The following MAP4K3 variants were observed in gnomAD, a reference collection of about 807,000 sequenced individuals.
The protein encoded by MAP4K3 is mitogen-activated protein kinase kinase kinase kinase 3.
MAP4K3 carries 94 observed loss-of-function variants against 143.5 expected under a neutral mutation model. The observed-to-expected ratio is 0.65, with a 90% CI of 0.55 to 0.78. The LOEUF (loss-of-function observed/expected upper bound fraction) is 0.78. MAP4K3 is among the 30% of genes least tolerant of loss of function. MAP4K3 has a pLI of 0.00. For missense variants in MAP4K3, 1,077 were observed against 1,068.1 expected, an observed-to-expected ratio of 1.01 and a Z score of -0.12; for synonymous variants, 416 against 347.2, an observed-to-expected ratio of 1.20 and a Z score of -2.20.
At position 39,332,062 on chromosome 2, in the gene MAP4K3, C is replaced by T; in HGVS notation, c.458-73G>A. 3.9e-6 allele frequency: 3 copies of T among 766,830 alleles called. No homozygotes were observed. In the South Asian group the frequency reaches 7.2e-5, roughly 18 times the overall value. 47.5% of individuals were successfully genotyped at this position (766,830 alleles called of 1,614,324 possible). A position where few individuals can be genotyped will look rare whatever the true frequency, so the allele number is the denominator to read the frequency against. On this transcript the variant is annotated intron_variant, in intron 7 of 33. Transcript: ENST00000263881. Reference sequence around the variant, plus strand: ...TTGTTTAAGGCAACATAAAAAGAAACTTTTAAAAGTTATTTTTATTAAGTT... The same window carrying T: ...TTGTTTAAGGCAACATAAAAAGAAATTTTTAAAAGTTATTTTTATTAAGTT...
intron 16 of MAP4K3, among the ~76,000 whole-genome samples, chr2:39,299,493 T>C (rs920776465): frequency 6.6e-6 from 1 of 152,166 alleles, no homozygotes; most frequent in Admixed American, 6.5e-5. Flanking sequence ...TCAGTGGCAA[T>C]ACATGTGGTT....
chr2:39,375,313 G>GTAGTTCCCTCC (rs906592495), intron 2 of MAP4K3, among the ~76,000 whole-genome samples: 3 of 152,026 alleles, frequency 2.0e-5, no homozygotes, highest in African/African-American at 7.3e-5. Flanking sequence ...CACTCGTGAA[G>GTAGTTCCCTCC]TAGTTCCCTC....
chr2:39,394,698 TG>T (rs1472850518), intron 1 of MAP4K3, among the ~76,000 whole-genome samples: 1 of 151,976 alleles, frequency 6.6e-6, no homozygotes, highest in Admixed American at 6.6e-5. Flanking sequence ...GAGAAAGAAA[TG>T]TAACACCAGA....
At chr2:39,433,236 CT>C (rs1665349561) in intron 1 of MAP4K3, among the ~76,000 whole-genome samples, 2 of 152,026 alleles carry the variant, frequency 1.3e-5, no homozygotes, top group African/African-American at 4.8e-5. Flanking sequence ...TGTATCCAGT[CT>C]TGGATACACA....
At chr2:39,341,604 C>T (rs915862904) in intron 4 of MAP4K3, among the ~76,000 whole-genome samples, 2 of 151,130 alleles carry the variant, frequency 1.3e-5, no homozygotes, top group Non-Finnish European at 2.9e-5. Context: ...TGCAGTGAGC[C>T]GAGATAGCAC....
At chr2:39,385,291 T>G (rs919690218) in intron 1 of MAP4K3, among the ~76,000 whole-genome samples, 2 of 152,126 alleles carry the variant, frequency 1.3e-5, no homozygotes, top group African/African-American at 4.8e-5. Context: ...CCATTTTTCA[T>G]TCCCAGAAGC....
intron 26 of MAP4K3, among the ~76,000 whole-genome samples, chr2:39,268,159 T>G (rs1456804224): frequency 6.6e-6 from 1 of 152,190 alleles, no homozygotes; most frequent in Non-Finnish European, 1.5e-5. Context: ...CTGACTCGAA[T>G]TTAATAGATA....
At chr2:39,403,533 T>C (rs1310596394) in intron 1 of MAP4K3, among the ~76,000 whole-genome samples, 1 of 151,508 alleles carries the variant, frequency 6.6e-6, no homozygotes, top group African/African-American at 2.4e-5. Flanking sequence ...ATGGAGGGAG[T>C]ATTTAGATCA....
In MAP4K3 at chr2:39,257,809, A is replaced by G. The variant is rs1016011902; in HGVS notation, c.2470+539T>C. On this transcript the variant is annotated intron_variant, in intron 31 of 33. Transcript: ENST00000263881. ...GACACTCCATCTCAAAAAAAAAAAAAAAAAAGAAATGATATTACTTCTTAC... is the reference window on the plus strand; with the variant it reads ...GACACTCCATCTCAAAAAAAAAAAAGAAAAAGAAATGATATTACTTCTTAC... Among the ~76,000 whole-genome samples, 2 of 151,832 alleles carry G rather than the reference A, an allele frequency of 1.3e-5. 1 individual carries two copies. The highest frequency in any genetic ancestry group is 3.9e-4 in the East Asian group (2 of 5,182).
intron 1 of MAP4K3, among the ~76,000 whole-genome samples, chr2:39,392,285 C>G (rs190288481): frequency 8.5e-4 from 129 of 151,136 alleles, no homozygotes; most frequent in African/African-American, 3.1e-3. Context: ...ACTAAGTTTT[C>G]CAGATAATGG....
At chr2:39,354,165 C>T (rs546370345) in intron 3 of MAP4K3, among the ~76,000 whole-genome samples, 5 of 152,134 alleles carry the variant, frequency 3.3e-5, no homozygotes, top group African/African-American at 4.8e-5. Flanking sequence ...AAAAAAAGGC[C>T]AGGCACAGTG....
intron 26 of MAP4K3, among the ~76,000 whole-genome samples, chr2:39,269,766 A>C (rs1680934417): frequency 1.3e-5 from 2 of 152,204 alleles, no homozygotes; most frequent in African/African-American, 4.8e-5. Context: ...TCAGATGTTG[A>C]AACACTGAAC....
At chr2:39,253,585 T>C (rs1442674857) in intron 32 of MAP4K3, among the ~76,000 whole-genome samples, 1 of 152,218 alleles carries the variant, frequency 6.6e-6, no homozygotes, top group African/African-American at 2.4e-5. Context: ...AGCTACTAAC[T>C]AGCTGAACTT....
intron 3 of MAP4K3, among the ~76,000 whole-genome samples, chr2:39,354,109 C>T (rs913516671): frequency 1.5e-4 from 23 of 151,988 alleles, no homozygotes; most frequent in African/African-American, 5.6e-4. Context: ...ACAGGTTAGC[C>T]ACCATCCTGG....
intron 13 of MAP4K3, among the ~76,000 whole-genome samples, chr2:39,309,809 C>G (rs576648251): frequency 6.6e-6 from 1 of 151,942 alleles, no homozygotes; most frequent in Non-Finnish European, 1.5e-5. Flanking sequence ...CCACCCGCCT[C>G]GGCCTCCCAA....
chr2:39,374,885 G>C (rs1666176678), intron 2 of MAP4K3, among the ~76,000 whole-genome samples: 1 of 152,018 alleles, frequency 6.6e-6, no homozygotes, highest in Non-Finnish European at 1.5e-5. Context: ...ACTCTAGACA[G>C]AAATTCTTAA....
intron 5 of MAP4K3, 76 bp from the exon 6 acceptor site, chr2:39,337,043 G>A: frequency 1.5e-6 from 1 of 685,162 alleles, no homozygotes; most frequent in Admixed American, 2.8e-5. Context: ...TAATCAAATG[G>A]GTAGTATTCT....
At chr2:39,315,127 C>T (rs978721868) in intron 13 of MAP4K3, among the ~76,000 whole-genome samples, 183 bp downstream of exon 13, 2 of 152,182 alleles carry the variant, frequency 1.3e-5, no homozygotes, top group Non-Finnish European at 1.5e-5. Flanking sequence ...TACATCCCAT[C>T]CTGCCACCAA....
Position 39,415,170 on chromosome 2 carries a change from T to C in MAP4K3, c.96+21722A>G, listed in dbSNP as rs538767963. Among the ~76,000 whole-genome samples, 30 of 152,342 alleles carry C rather than the reference T, an allele frequency of 2.0e-4. No individual in the cohort carries two copies. The South Asian group carries it at 4.3e-3, about 22-fold the overall frequency. Reference sequence around the variant, plus strand: ...TCTCCTAGATGTTATTTAAATGTTATAGCTCTCAAAAACAGTTCCAAATGA... The same window carrying C: ...TCTCCTAGATGTTATTTAAATGTTACAGCTCTCAAAAACAGTTCCAAATGA... On this transcript the variant is annotated intron_variant, in intron 1 of 33. Transcript: ENST00000263881.
Sources: allele counts gnomAD v4.1 joint callset (sites outside exome capture counted in the v4.1 genomes callset), GRCh38; gene constraint gnomAD v4.1.1; transcripts MANE v1.5; gene names NCBI Gene and HGNC (gene_info 2026-07-23, HGNC 2026-07-21).